SLCO2A1: variants seen among roughly 807,000 people sequenced by gnomAD.
The protein encoded by SLCO2A1 is solute carrier organic anion transporter family member 2A1, also known as matrin F/G 1.
Under a neutral mutation model 71.7 loss-of-function variants are expected in SLCO2A1, and 60 were observed. The ratio of observed to expected loss-of-function variants is 0.84; its 90% CI spans 0.68 to 1.04. SLCO2A1 has a LOEUF of 1.04. Ranked by LOEUF, SLCO2A1 falls within the 50% of genes least tolerant of loss-of-function variation. The probability of loss-of-function intolerance (pLI) is 0.00; values close to 1 mark genes in which losing one functional copy is unlikely to be tolerated. For synonymous variants in SLCO2A1, 308 were observed against 326.7 expected (o/e 0.94, Z 0.62); for missense variants, 745 against 813.4 (o/e 0.92, Z 1.02).
intron 1 of SLCO2A1, among the ~76,000 whole-genome samples, chr3:133,987,130 A>AT (rs1934731059): frequency 9.2e-6 from 1 of 108,776 alleles, no homozygotes; most frequent in African/African-American, 4.1e-5. Context: ...TAAAATTCAA[A>AT]GCCCCCCCCC....
rs190530605 is a variant in SLCO2A1 at position 134,005,574 on chromosome 3, C to A, written c.96+24133G>T. Among the ~76,000 whole-genome samples the A allele has an allele frequency of 2.2e-3, 334 of 151,436 alleles. 1 individual carries two copies. The highest frequency in any genetic ancestry group is 7.7e-3 in the African/African-American group (317 of 41,218). On this transcript the variant is annotated intron_variant, in intron 1 of 13. Transcript: ENST00000310926. ...TCGGCTCACTGCAACCTCCGCTTCCCGGGTTCACGCCATTCTCCTGTCTCA... is the reference window on the plus strand; with the variant it reads ...TCGGCTCACTGCAACCTCCGCTTCCAGGGTTCACGCCATTCTCCTGTCTCA...
At chr3:133,984,410 G>A (rs962077888) in intron 1 of SLCO2A1, among the ~76,000 whole-genome samples, 14 of 152,128 alleles carry the variant, frequency 9.2e-5, no homozygotes, top group African/African-American at 3.1e-4. Flanking sequence ...GTATATATCT[G>A]GACCCCTTGG....
At chr3:133,950,649 T>C (rs1258806252) in intron 6 of SLCO2A1, among the ~76,000 whole-genome samples, 1 of 152,196 alleles carries the variant, frequency 6.6e-6, no homozygotes, top group Non-Finnish European at 1.5e-5. Flanking sequence ...ACCCTTCAGC[T>C]GAACATCAAG....
At chr3:133,988,432 C>T (rs1017195495) in intron 1 of SLCO2A1, among the ~76,000 whole-genome samples, 6 of 152,230 alleles carry the variant, frequency 3.9e-5, no homozygotes, top group African/African-American at 1.2e-4. Context: ...GTTGTGCCGC[C>T]TTTCTGGACC....
intron 1 of SLCO2A1, among the ~76,000 whole-genome samples, chr3:134,009,874 C>T (rs1020042457): frequency 6.6e-6 from 1 of 152,152 alleles, no homozygotes; most frequent in Admixed American, 6.5e-5. Context: ...ACGGGGACTC[C>T]CAGAGAGCCC....
chr3:133,933,007 C>T lies in SLCO2A1; in HGVS notation c.*1706G>A, dbSNP rs56393553. 8.0e-3 allele frequency: 1,216 copies of T among 152,760 alleles called. 8 individuals carry two copies. The highest frequency in any genetic ancestry group is 0.01 in the Non-Finnish European group (700 of 68,034). The allele number at this position is 152,760 out of a possible 1,614,324, so 9.5% of individuals were successfully genotyped here. A position where few individuals can be genotyped will look rare whatever the true frequency, so the allele number is the denominator to read the frequency against. On this transcript the variant is annotated 3_prime_UTR_variant, in exon 14 of 14. Coordinates refer to ENST00000310926, the MANE Select transcript of SLCO2A1 (RefSeq NM_005630.3). ...AGCTTGTCTGTAACAGTGGTTTCCA[C>T]AAAGACTTCAGTCTCATGGCATTGG...
chr3:133,967,223 G>C (rs1164871662), intron 3 of SLCO2A1, among the ~76,000 whole-genome samples: 1 of 152,196 alleles, frequency 6.6e-6, no homozygotes, highest in African/African-American at 2.4e-5. Flanking sequence ...TCCACACTTA[G>C]GTCTCCACCA....
At chr3:134,009,073 G>A (rs1470954307) in intron 1 of SLCO2A1, among the ~76,000 whole-genome samples, 6 of 152,212 alleles carry the variant, frequency 3.9e-5, no homozygotes, top group Non-Finnish European at 7.3e-5. Flanking sequence ...ACAATGAGAT[G>A]TCTTGGTATG....
chr3:134,018,139 C>T (rs936761808), intron 1 of SLCO2A1, among the ~76,000 whole-genome samples: 1 of 152,154 alleles, frequency 6.6e-6, no homozygotes, highest in African/African-American at 2.4e-5. Flanking sequence ...TTCTCTCTTC[C>T]TTTCTCCCTA....
intron 1 of SLCO2A1, among the ~76,000 whole-genome samples, chr3:134,021,675 G>A (rs116779818): frequency 0.051 from 7,673 of 151,774 alleles, 202 homozygotes; most frequent in Middle Eastern, 0.12. Context: ...CAGTGAAAGA[G>A]AAGAAGAGAC....
At chr3:133,964,366 A>G (rs1311029475) in intron 3 of SLCO2A1, among the ~76,000 whole-genome samples, 1 of 152,228 alleles carries the variant, frequency 6.6e-6, no homozygotes, top group Non-Finnish European at 1.5e-5. Context: ...ATAACCTGGG[A>G]CATAGTGATT....
chr3:134,019,192 A>C (rs969876423), intron 1 of SLCO2A1, among the ~76,000 whole-genome samples: 1 of 152,162 alleles, frequency 6.6e-6, no homozygotes, highest in Admixed American at 6.5e-5. Flanking sequence ...CTGAAGTCTC[A>C]CATACCTGGT....
At chr3:134,006,765 A>G (rs1456763215) in intron 1 of SLCO2A1, among the ~76,000 whole-genome samples, 1 of 152,192 alleles carries the variant, frequency 6.6e-6, no homozygotes, top group Non-Finnish European at 1.5e-5. Context: ...GCTATCGTGA[A>G]TGGTGCTGCT....
intron 4 of SLCO2A1, among the ~76,000 whole-genome samples, chr3:133,954,263 A>C (rs1250055436): frequency 6.9e-6 from 1 of 145,068 alleles, no homozygotes; most frequent in African/African-American, 2.6e-5. Context: ...CCTGGGTTCG[A>C]GTGATTCTCC....
intron 1 of SLCO2A1, among the ~76,000 whole-genome samples, chr3:134,005,698 G>C (rs1042275543): frequency 4.6e-5 from 7 of 151,946 alleles, no homozygotes; most frequent in African/African-American, 9.7e-5. Context: ...AGCCAGGATG[G>C]TCTCAATCTC....
intron 1 of SLCO2A1, among the ~76,000 whole-genome samples, chr3:133,992,894 C>T (rs911043940): frequency 4.6e-5 from 7 of 151,902 alleles, no homozygotes; most frequent in Non-Finnish European, 7.4e-5. Context: ...TACTCTTGGA[C>T]GCCAGACAAG....
chr3:133,964,934 A>C (rs955869752), intron 3 of SLCO2A1, among the ~76,000 whole-genome samples: 3 of 152,194 alleles, frequency 2.0e-5, no homozygotes, highest in Admixed American at 1.3e-4. Context: ...TCGGCTCATC[A>C]TCAGAGCTGG....
At chr3:134,002,418 C>T (rs1935124843) in intron 1 of SLCO2A1, among the ~76,000 whole-genome samples, 1 of 152,188 alleles carries the variant, frequency 6.6e-6, no homozygotes, top group Non-Finnish European at 1.5e-5. Context: ...GAAGTTCCTC[C>T]CATCAATGAC....
chr3:133,979,769 C>A (rs749317107), intron 1 of SLCO2A1, 151 bp from the exon 2 acceptor site: 2 of 804,800 alleles, frequency 2.5e-6, no homozygotes, highest in Admixed American at 5.8e-5. Flanking sequence ...GATGAAACGT[C>A]ATCATTGCAA....
Sources: allele counts gnomAD v4.1 joint callset (sites outside exome capture counted in the v4.1 genomes callset), GRCh38; gene constraint gnomAD v4.1.1; transcripts MANE v1.5; gene names NCBI Gene and HGNC (gene_info 2026-07-23, HGNC 2026-07-21).